The following RNFT2 variants were observed in gnomAD, a reference collection of about 807,000 sequenced individuals.
RNFT2 encodes ring finger protein, transmembrane 2.
RNFT2 carries 36 observed loss-of-function variants against 53.0 expected under a neutral mutation model. The observed-to-expected ratio is 0.68, with a 90% CI of 0.52 to 0.90. The LOEUF (loss-of-function observed/expected upper bound fraction) is 0.90, where lower values mean the gene tolerates loss of function less well. Ranked by LOEUF, RNFT2 falls within the 40% of genes least tolerant of loss-of-function variation. The probability of loss-of-function intolerance (pLI) is 0.00; values close to 1 mark genes in which losing one functional copy is unlikely to be tolerated. For synonymous variants in RNFT2, 260 were observed against 253.2 expected (o/e 1.03, Z -0.26); for missense variants, 514 against 585.6 (o/e 0.88, Z 1.26).
intron 7 of RNFT2, among the ~76,000 whole-genome samples, chr12:116,795,033 A>G (rs1354218024): frequency 6.6e-6 from 1 of 152,110 alleles, no homozygotes; most frequent in Non-Finnish European, 1.5e-5. Context: ...AGAAACATAC[A>G]TAGAAATATA....
intron 7 of RNFT2, among the ~76,000 whole-genome samples, chr12:116,794,452 G>A (rs1038528632): frequency 1.3e-5 from 2 of 149,262 alleles, no homozygotes. Flanking sequence ...ACAAAAATTA[G>A]TCAGGTGTGG....
chr12:116,821,394 A>G (rs992505712), intron 7 of RNFT2, among the ~76,000 whole-genome samples: 11 of 152,186 alleles, frequency 7.2e-5, no homozygotes, highest in Non-Finnish European at 1.2e-4. Context: ...GCCTCAGCTC[A>G]TTAGCCCAGC....
chr12:116,784,354 G>C (rs1873840408), intron 7 of RNFT2, among the ~76,000 whole-genome samples: 1 of 152,292 alleles, frequency 6.6e-6, no homozygotes, highest in South Asian at 2.1e-4. Context: ...AGGTCTGATT[G>C]GCCCCGGTCA....
At chr12:116,792,375 G>T (rs1252970815) in intron 7 of RNFT2, among the ~76,000 whole-genome samples, 2 of 151,712 alleles carry the variant, frequency 1.3e-5, no homozygotes, top group East Asian at 3.9e-4. Context: ...AATTAATTTT[G>T]GAGAAAAGTC....
At chr12:116,790,393 G>T (rs1396555529) in intron 7 of RNFT2, among the ~76,000 whole-genome samples, 1 of 152,164 alleles carries the variant, frequency 6.6e-6, no homozygotes, top group Non-Finnish European at 1.5e-5. Context: ...TCCTCTTAAA[G>T]ACATTGTCTC....
At chr12:116,816,508 G>T (rs1175798254) in intron 7 of RNFT2, among the ~76,000 whole-genome samples, 1 of 152,156 alleles carries the variant, frequency 6.6e-6, no homozygotes, top group Non-Finnish European at 1.5e-5. Flanking sequence ...GGAAATTGGG[G>T]GTGAGAGGGA....
chr12:116,768,522 G>C (rs1043590849), intron 6 of RNFT2, among the ~76,000 whole-genome samples: 3 of 152,154 alleles, frequency 2.0e-5, no homozygotes, highest in Non-Finnish European at 4.4e-5. Context: ...ATTACCTAGT[G>C]ATATTGCAGC....
intron 6 of RNFT2, among the ~76,000 whole-genome samples, chr12:116,778,975 C>T (rs1200139675): frequency 6.6e-6 from 1 of 152,222 alleles, no homozygotes; most frequent in Non-Finnish European, 1.5e-5. Flanking sequence ...GCCAATATGG[C>T]CATTTAACTC....
Position 116,852,648 on chromosome 12 carries a change from A to T in RNFT2, c.*3200A>T. On this transcript the variant is annotated 3_prime_UTR_variant, in exon 11 of 11. Coordinates refer to ENST00000257575, the MANE Select transcript of RNFT2 (RefSeq NM_001382266.1). ...TTATCGGAAAGATCATCCTGCCTGC[A>T]GATGCTGTTGAAGGGGCACAAGAAA... 1 of 1,614,046 alleles carries T rather than the reference A, an allele frequency of 6.2e-7. No individual in the cohort carries two copies. The highest frequency in any genetic ancestry group is 8.5e-7 in the Non-Finnish European group (1 of 1,179,898).
At chr12:116,795,965 G>A (rs1407823626) in intron 7 of RNFT2, among the ~76,000 whole-genome samples, 4 of 151,914 alleles carry the variant, frequency 2.6e-5, no homozygotes, top group African/African-American at 9.7e-5. Flanking sequence ...CTGGAGTGCA[G>A]TGGTGCAATC....
At chr12:116,842,723 AC>A (rs1877414886) in intron 10 of RNFT2, among the ~76,000 whole-genome samples, 1 of 151,878 alleles carries the variant, frequency 6.6e-6, no homozygotes, top group Non-Finnish European at 1.5e-5. Context: ...ACAGGCACCC[AC>A]CACCATGCCC....
intron 7 of RNFT2, among the ~76,000 whole-genome samples, chr12:116,782,507 A>G (rs1401014408): frequency 6.6e-6 from 1 of 152,140 alleles, no homozygotes; most frequent in Non-Finnish European, 1.5e-5. Context: ...AACCTGGGCA[A>G]CAGAGTGAGA....
At position 116,851,031 on chromosome 12, in the gene RNFT2, C is replaced by T. The variant is rs527513139; in HGVS notation, c.*1583C>T. ...GCGCAGCAGGCAAAGCATGCAGCAT[C>T]CTGCTTGGATTACGTGCTGTCATCC... On this transcript the variant is annotated 3_prime_UTR_variant, in exon 11 of 11. Transcript: ENST00000257575. 1 of 152,222 alleles carries T rather than the reference C, an allele frequency of 6.6e-6. No individual in the cohort carries two copies. The highest frequency in any genetic ancestry group is 1.5e-5 in the Non-Finnish European group (1 of 68,052). 9.4% of individuals were successfully genotyped at this position (152,222 alleles called of 1,614,324 possible).
chr12:116,827,681 G>A (rs979475751), intron 7 of RNFT2, among the ~76,000 whole-genome samples: 7 of 152,252 alleles, frequency 4.6e-5, no homozygotes, highest in Non-Finnish European at 1.0e-4. Flanking sequence ...ACAGAGGTGA[G>A]TAGTGGTGCC....
intron 6 of RNFT2, among the ~76,000 whole-genome samples, chr12:116,773,014 A>G (rs933531468): frequency 2.0e-5 from 3 of 152,098 alleles, no homozygotes; most frequent in African/African-American, 7.2e-5. Context: ...TTTTTAGTAG[A>G]GACAGGGTTT....
intron 7 of RNFT2, among the ~76,000 whole-genome samples, chr12:116,786,409 C>T (rs1368451584): frequency 6.6e-6 from 1 of 152,124 alleles, no homozygotes; most frequent in Non-Finnish European, 1.5e-5. Context: ...CCGCGCCCGG[C>T]CGAGATCGGG....
At chr12:116,800,848 T>TAA (rs1177932347) in intron 7 of RNFT2, among the ~76,000 whole-genome samples, 4 of 143,444 alleles carry the variant, frequency 2.8e-5, no homozygotes, top group African/African-American at 1.1e-4. Flanking sequence ...TAAAATAAAA[T>TAA]AAAATAAAAT....
intron 10 of RNFT2, among the ~76,000 whole-genome samples, chr12:116,839,498 G>A (rs1270406833): frequency 6.6e-6 from 1 of 151,818 alleles, no homozygotes; most frequent in Non-Finnish European, 1.5e-5. Flanking sequence ...GGAGAAGTTG[G>A]TGGGTGAGTG....
At chr12:116,832,148 A>AAAATATATATATATATATATAT (rs1555209702) in intron 7 of RNFT2, among the ~76,000 whole-genome samples, 1 of 55,176 alleles carries the variant, frequency 1.8e-5, no homozygotes, top group South Asian at 7.1e-4. Context: ...AAAAAAAAAA[A>AAAATATATATATATATATATAT]ATATATATAT....
Sources: allele counts gnomAD v4.1 joint callset (sites outside exome capture counted in the v4.1 genomes callset), GRCh38; gene constraint gnomAD v4.1.1; transcripts MANE v1.5; gene names NCBI Gene and HGNC (gene_info 2026-07-23, HGNC 2026-07-21).